KCNJ6: variants seen among roughly 807,000 people sequenced by gnomAD.
The protein encoded by KCNJ6 is G protein-activated inward rectifier potassium channel 2.
In KCNJ6, 9 loss-of-function variants were observed where a neutral mutation model predicts 34.2. The observed-to-expected ratio is 0.26, with a 90% CI of 0.16 to 0.46. KCNJ6 has a LOEUF of 0.46. Ranked by LOEUF, KCNJ6 falls within the 20% of genes least tolerant of loss-of-function variation. The pLI, the probability that KCNJ6 is intolerant of heterozygous loss-of-function variation, is 1.00. For synonymous variants in KCNJ6, 196 were observed against 207.1 expected (o/e 0.95, Z 0.46); for missense variants, 236 against 531.3 (o/e 0.44, Z 5.46).
rs1358344850 is a variant in KCNJ6 at position 37,621,119 on chromosome 21, T to C, written c.*4040A>G. ...GCCATCCATTGAAAGGAAATCATCC[T>C]TGAAGATAATGTTTACAATATATAG... On this transcript the variant is annotated 3_prime_UTR_variant, in exon 4 of 4. Transcript: ENST00000609713. 2 of 152,202 alleles carry C rather than the reference T, an allele frequency of 1.3e-5. No homozygotes were observed. Among genetic ancestry groups the C allele is most frequent in the African/African-American group, 2.4e-5 (1 of 41,454 alleles). 9.4% of individuals were successfully genotyped at this position (152,202 alleles called of 1,614,324 possible).
intron 2 of KCNJ6, among the ~76,000 whole-genome samples, chr21:37,836,870 C>A (rs2055454309): frequency 6.6e-6 from 1 of 151,974 alleles, no homozygotes; most frequent in Non-Finnish European, 1.5e-5. Flanking sequence ...CACATGTATC[C>A]CAGAACTTAA....
rs1160383733 is a variant in KCNJ6 at position 37,713,315 on chromosome 21, G to T, written c.946+896C>A. Among the ~76,000 whole-genome samples, 3 of 152,052 alleles carry T rather than the reference G, an allele frequency of 2.0e-5. No homozygotes were observed. In the East Asian group the frequency reaches 5.8e-4, roughly 29 times the overall value. ...TGGTATCAGGAAAAAGGACCCCAAA[G>T]ACACTATTACTACCTCAAAGAACAA... On this transcript the variant is annotated intron_variant, in intron 3 of 3. Coordinates refer to ENST00000609713, the MANE Select transcript of KCNJ6 (RefSeq NM_002240.5).
intron 2 of KCNJ6, among the ~76,000 whole-genome samples, chr21:37,790,431 C>T (rs2055211529): frequency 6.6e-6 from 1 of 152,178 alleles, no homozygotes; most frequent in Admixed American, 6.5e-5. Flanking sequence ...GGCAGCAATA[C>T]CGAATACTTC....
At chr21:37,770,669 C>T (rs2123503037) in intron 2 of KCNJ6, among the ~76,000 whole-genome samples, 1 of 152,300 alleles carries the variant, frequency 6.6e-6, no homozygotes, top group South Asian at 2.1e-4. Context: ...AACAAAGAAC[C>T]ATGACTAGCT....
chr21:37,717,212 G>T (rs1447052611), intron 2 of KCNJ6: 1 of 154,202 alleles, frequency 6.5e-6, no homozygotes, highest in African/African-American at 2.4e-5. Flanking sequence ...GTCCTTCATT[G>T]AAAATAAGAA....
chr21:37,801,912 A>C (rs1229403409), intron 2 of KCNJ6, among the ~76,000 whole-genome samples: 2 of 152,206 alleles, frequency 1.3e-5, no homozygotes, highest in East Asian at 3.9e-4. Context: ...TGTGGTAGGC[A>C]TGAAAGATAC....
intron 2 of KCNJ6, among the ~76,000 whole-genome samples, chr21:37,827,559 GA>G (rs1321007304): frequency 1.3e-5 from 2 of 151,528 alleles, no homozygotes; most frequent in Admixed American, 1.3e-4. Flanking sequence ...TAAAAGGGTT[GA>G]ATACAGTACA....
At chr21:37,655,342 C>T (rs1482882420) in intron 3 of KCNJ6, among the ~76,000 whole-genome samples, 2 of 152,008 alleles carry the variant, frequency 1.3e-5, no homozygotes, top group Admixed American at 1.3e-4. Context: ...CACCAACACC[C>T]TCCCCAGAAG....
intron 2 of KCNJ6, among the ~76,000 whole-genome samples, chr21:37,775,950 C>T (rs1419833836): frequency 2.6e-5 from 4 of 151,470 alleles, no homozygotes; most frequent in African/African-American, 7.3e-5. Context: ...GCAGTATGGC[C>T]ATTTTCACGA....
chr21:37,823,524 C>T (rs1410021017), intron 2 of KCNJ6, among the ~76,000 whole-genome samples: 1 of 152,154 alleles, frequency 6.6e-6, no homozygotes, highest in Admixed American at 6.5e-5. Flanking sequence ...CTCCTTCCCC[C>T]ATGCTGTTCT....
At chr21:37,768,964 G>A (rs1353663657) in intron 2 of KCNJ6, among the ~76,000 whole-genome samples, 1 of 152,230 alleles carries the variant, frequency 6.6e-6, no homozygotes, top group Non-Finnish European at 1.5e-5. Context: ...ATGCAGGTGT[G>A]TTTAGGAGAA....
intron 2 of KCNJ6, among the ~76,000 whole-genome samples, chr21:37,731,497 C>T (rs2054885195): frequency 6.6e-6 from 1 of 152,164 alleles, no homozygotes; most frequent in Non-Finnish European, 1.5e-5. Flanking sequence ...AGCTTTGTAG[C>T]TTCACATCTG....
chr21:37,668,422 T>C (rs553779673), intron 3 of KCNJ6, among the ~76,000 whole-genome samples: 1 of 150,802 alleles, frequency 6.6e-6, no homozygotes, highest in South Asian at 2.1e-4. Context: ...GGGTCACCCC[T>C]CTGTGTGTGT....
chr21:37,625,125 G>C lies in KCNJ6; in HGVS notation c.*34C>G, dbSNP rs56345212. On this transcript the variant is annotated 3_prime_UTR_variant, in exon 4 of 4. Coordinates refer to ENST00000609713, the MANE Select transcript of KCNJ6 (RefSeq NM_002240.5). ...TGAGAGACAAGGAAAGATTGTGTTG[G>C]GGGGAGAAGAGAAGGGTTTGCCCAG... 8.3e-3 allele frequency: 11,585 copies of C among 1,398,072 alleles called. 215 individuals are homozygous for C. Among genetic ancestry groups the C allele is most frequent in the East Asian group, 0.054 (2,378 of 43,706 alleles). The allele number at this position is 1,398,072 out of a possible 1,614,324, so 86.6% of individuals were successfully genotyped here. A position where few individuals can be genotyped will look rare whatever the true frequency, so the allele number is the denominator to read the frequency against.
intron 2 of KCNJ6, among the ~76,000 whole-genome samples, chr21:37,805,194 T>C (rs980242646): frequency 6.6e-6 from 1 of 152,122 alleles, no homozygotes; most frequent in African/African-American, 2.4e-5. Flanking sequence ...GTGGTGATGG[T>C]TGCATGAATT....
At chr21:37,638,960 T>TA (rs1212187676) in intron 3 of KCNJ6, among the ~76,000 whole-genome samples, 1 of 152,208 alleles carries the variant, frequency 6.6e-6, no homozygotes, top group African/African-American at 2.4e-5. Flanking sequence ...AGGAATTGCT[T>TA]ATGCAAGACT....
intron 3 of KCNJ6, among the ~76,000 whole-genome samples, chr21:37,662,351 G>A (rs2054493421): frequency 6.6e-6 from 1 of 152,278 alleles, no homozygotes; most frequent in East Asian, 1.9e-4. Flanking sequence ...AGAACATGTG[G>A]TGCTTGGTTT....
chr21:37,871,256 C>A (rs1049791487), intron 1 of KCNJ6, among the ~76,000 whole-genome samples: 1 of 152,164 alleles, frequency 6.6e-6, no homozygotes, highest in Non-Finnish European at 1.5e-5. Flanking sequence ...TGCATGACAT[C>A]ATAGCCATGA....
intron 2 of KCNJ6, among the ~76,000 whole-genome samples, chr21:37,764,087 A>C (rs2055079229): frequency 6.6e-6 from 1 of 152,228 alleles, no homozygotes; most frequent in Non-Finnish European, 1.5e-5. Context: ...TGTGTTTAAC[A>C]TGCAGGTGAG....
Sources: allele counts gnomAD v4.1 joint callset (sites outside exome capture counted in the v4.1 genomes callset), GRCh38; gene constraint gnomAD v4.1.1; transcripts MANE v1.5; gene names NCBI Gene and HGNC (gene_info 2026-07-23, HGNC 2026-07-21).